KCNC2: variants seen among roughly 807,000 people sequenced by gnomAD.
The protein encoded by KCNC2 is potassium voltage-gated channel subfamily C member 2, also known as voltage-gated potassium channel KCNC2.
KCNC2 carries 21 observed loss-of-function variants against 44.5 expected under a neutral mutation model. That is an observed-to-expected ratio of 0.47 (90% CI 0.33 to 0.68). The LOEUF (loss-of-function observed/expected upper bound fraction) is 0.68. Among genes scored for constraint, KCNC2 ranks in the 30% least tolerant of loss-of-function variants. The pLI is 0.01. For missense variants in KCNC2, 589 were observed against 826.2 expected (o/e 0.71, Z 3.52); for synonymous variants, 391 against 339.1 (o/e 1.15, Z -1.68).
chr12:75,169,606 T>C (rs1182501546), intron 2 of KCNC2, among the ~76,000 whole-genome samples: 1 of 151,660 alleles, frequency 6.6e-6, no homozygotes, highest in Non-Finnish European at 1.5e-5. Flanking sequence ...TCCTATGTAT[T>C]CTATTTTAAA....
At chr12:75,162,357 G>A (rs564067728) in intron 2 of KCNC2, among the ~76,000 whole-genome samples, 242 of 151,798 alleles carry the variant, frequency 1.6e-3, no homozygotes, top group South Asian at 8.5e-3. Flanking sequence ...AAATGGGCAG[G>A]GTTGTTGCTT....
chr12:75,171,400 C>T (rs562773023), intron 2 of KCNC2, among the ~76,000 whole-genome samples: 4 of 151,910 alleles, frequency 2.6e-5, no homozygotes, highest in East Asian at 3.9e-4. Flanking sequence ...TTGAGGCTAT[C>T]TTAGAAATCT....
At chr12:75,165,481 A>T (rs770161896) in intron 2 of KCNC2, among the ~76,000 whole-genome samples, 1 of 151,554 alleles carries the variant, frequency 6.6e-6, no homozygotes, top group South Asian at 2.1e-4. Flanking sequence ...CAATAAGATA[A>T]ATTAGTGAAT....
At chr12:75,073,996 T>A (rs1477082216) in intron 2 of KCNC2, among the ~76,000 whole-genome samples, 1 of 152,196 alleles carries the variant, frequency 6.6e-6, no homozygotes, top group Non-Finnish European at 1.5e-5. Flanking sequence ...TTCTCTTTTA[T>A]GCCTTTGCCT....
chr12:75,168,413 T>C (rs903517265), intron 2 of KCNC2, among the ~76,000 whole-genome samples: 1 of 151,448 alleles, frequency 6.6e-6, no homozygotes, highest in African/African-American at 2.4e-5. Flanking sequence ...CCTAAGGCCA[T>C]AAAGAAGCTG....
intron 2 of KCNC2, among the ~76,000 whole-genome samples, chr12:75,177,133 G>A (rs1892245965): frequency 6.6e-6 from 1 of 150,694 alleles, no homozygotes; most frequent in South Asian, 2.1e-4. Context: ...GGGAGTGTTA[G>A]TTTGCTAAGG....
At chr12:75,058,660 G>A (rs1450959243) in intron 2 of KCNC2, among the ~76,000 whole-genome samples, 1 of 151,968 alleles carries the variant, frequency 6.6e-6, no homozygotes, top group Non-Finnish European at 1.5e-5. Flanking sequence ...TGCCACCAAT[G>A]TCTGTCTACC....
At chr12:75,102,583 T>A (rs979644615) in intron 2 of KCNC2, among the ~76,000 whole-genome samples, 2 of 152,104 alleles carry the variant, frequency 1.3e-5, no homozygotes, top group Admixed American at 1.3e-4. Context: ...TTATTGCCAA[T>A]GGCCAAAGGC....
chr12:75,163,607 G>A (rs1034480142), intron 2 of KCNC2, among the ~76,000 whole-genome samples: 4 of 151,658 alleles, frequency 2.6e-5, no homozygotes, highest in East Asian at 1.9e-4. Context: ...TATAAAAAAC[G>A]TAAAAAATAT....
intron 2 of KCNC2, among the ~76,000 whole-genome samples, chr12:75,113,446 A>T (rs1887405316): frequency 6.6e-6 from 1 of 152,146 alleles, no homozygotes; most frequent in East Asian, 1.9e-4. Context: ...TTTCAGAAAA[A>T]AATAAAAGGA....
chr12:75,061,800 C>A (rs747999372), intron 2 of KCNC2, among the ~76,000 whole-genome samples: 25 of 151,996 alleles, frequency 1.6e-4, no homozygotes, highest in Non-Finnish European at 3.4e-4. Context: ...GCCATCATAA[C>A]TACATGATTT....
chr12:75,084,445 A>G (rs1326979813), intron 2 of KCNC2, among the ~76,000 whole-genome samples: 1 of 151,934 alleles, frequency 6.6e-6, no homozygotes, highest in Non-Finnish European at 1.5e-5. Flanking sequence ...GAGGTAATTG[A>G]ATCATGGGGG....
intron 2 of KCNC2, among the ~76,000 whole-genome samples, chr12:75,175,789 C>T (rs946122302): frequency 3.9e-5 from 6 of 152,118 alleles, no homozygotes; most frequent in East Asian, 1.9e-4. Flanking sequence ...TGCAGCATAA[C>T]GCAACCTATC....
At chr12:75,202,698 T>C (rs1175004716) in intron 2 of KCNC2, among the ~76,000 whole-genome samples, 13 of 151,384 alleles carry the variant, frequency 8.6e-5, no homozygotes. Flanking sequence ...TTTAAGAGCC[T>C]AATATTTTGT....
At chr12:75,062,336 A>G (rs950596125) in intron 2 of KCNC2, among the ~76,000 whole-genome samples, 5 of 152,144 alleles carry the variant, frequency 3.3e-5, no homozygotes, top group Non-Finnish European at 7.4e-5. Flanking sequence ...CACAACATGC[A>G]TACATGCTAA....
chr12:75,092,189 A>T (rs1204059043), intron 2 of KCNC2, among the ~76,000 whole-genome samples: 1 of 151,612 alleles, frequency 6.6e-6, no homozygotes, highest in Non-Finnish European at 1.5e-5. Flanking sequence ...ATTTAAGAAC[A>T]CTGCACTTAA....
At chr12:75,151,971 AT>A (rs1890432260) in intron 2 of KCNC2, among the ~76,000 whole-genome samples, 1 of 146,248 alleles carries the variant, frequency 6.8e-6, no homozygotes, top group Admixed American at 6.9e-5. Context: ...TATATTATAC[AT>A]TTATATATTA....
At chr12:75,130,496 T>C (rs1888758587) in intron 2 of KCNC2, among the ~76,000 whole-genome samples, 1 of 152,158 alleles carries the variant, frequency 6.6e-6, no homozygotes, top group Non-Finnish European at 1.5e-5. Context: ...CTAAGCTTTA[T>C]GCTAGCACCA....
intron 2 of KCNC2, among the ~76,000 whole-genome samples, chr12:75,121,674 G>C (rs1356608537): frequency 6.6e-6 from 1 of 152,204 alleles, no homozygotes; most frequent in Non-Finnish European, 1.5e-5. Context: ...TGTGCAGAGA[G>C]AGCTAAGTCC....
Sources: gnomAD v4.1 joint callset for allele counts (sites outside exome capture counted in the v4.1 genomes callset) on GRCh38, gnomAD v4.1.1 for gene constraint, MANE v1.5 for transcripts, NCBI Gene and HGNC (gene_info 2026-07-23, HGNC 2026-07-21) for gene names.